The following MCC variants were observed in gnomAD, a reference collection of about 807,000 sequenced individuals.
MCC encodes the protein colorectal mutant cancer protein.
In MCC, 90 loss-of-function variants were observed where a neutral mutation model predicts 116.2. That is an observed-to-expected ratio of 0.77 (90% CI 0.65 to 0.92). The LOEUF is 0.92. MCC is among the 40% of genes least tolerant of loss of function. MCC has a pLI of 0.00. For missense variants in MCC, 1,516 were observed against 1,312.2 expected (o/e 1.16, Z -2.40); for synonymous variants, 578 against 510.5 (o/e 1.13, Z -1.78).
At chr5:113,043,293 G>T (rs1035948641) in intron 17 of MCC, among the ~76,000 whole-genome samples, 1 of 152,158 alleles carries the variant, frequency 6.6e-6, no homozygotes, top group Non-Finnish European at 1.5e-5. Context: ...AAAGGAAGAG[G>T]AATTTTCCTA....
At chr5:113,433,406 C>A (rs1333434650) in intron 1 of MCC, 9 of 557,608 alleles carry the variant, frequency 1.6e-5, no homozygotes, top group Non-Finnish European at 3.1e-5. Context: ...TGCCTTCCTG[C>A]TGCTCTTCCT....
intron 1 of MCC, among the ~76,000 whole-genome samples, chr5:113,398,330 G>T (rs1245683404): frequency 6.6e-6 from 1 of 152,010 alleles, no homozygotes; most frequent in Non-Finnish European, 1.5e-5. Flanking sequence ...CCTATTACTG[G>T]GTATATACCC....
At chr5:113,446,615 A>G (rs1419085692) in intron 1 of MCC, among the ~76,000 whole-genome samples, 2 of 152,178 alleles carry the variant, frequency 1.3e-5, no homozygotes, top group Non-Finnish European at 2.9e-5. Context: ...GTGAGGCTGT[A>G]GAGAAAAGGG....
intron 3 of MCC, among the ~76,000 whole-genome samples, chr5:113,336,162 AC>A (rs1037493949): frequency 2.6e-5 from 4 of 151,478 alleles, no homozygotes; most frequent in African/African-American, 9.8e-5. Context: ...CACCAATCCC[AC>A]CCATGAGGGT....
chr5:113,040,749 G>A (rs1323799776), intron 17 of MCC, among the ~76,000 whole-genome samples: 1 of 151,974 alleles, frequency 6.6e-6, no homozygotes, highest in Non-Finnish European at 1.5e-5. Flanking sequence ...CTTTACCTCT[G>A]TAAGTTTGTT....
chr5:113,084,123 C>T lies in MCC; in HGVS notation c.1613G>A (p.Gly538Asp). The T allele has an allele frequency of 1.2e-6, 2 of 1,614,124 alleles. No homozygotes were observed. Among genetic ancestry groups the T allele is most frequent in the Non-Finnish European group, 1.7e-6 (2 of 1,179,990 alleles). ...ESSSSDRPVLGSEISSIGVSS... is the reference protein window; with the variant it reads ...ESSSSDRPVLDSEISSIGVSS... ...CACCCCTATGCTACTGATTTCTGAG[C>T]CCAGGACTGGCCGATCAGATGATGA... The change falls in exon 10 of 19, where the codon GGC becomes GAC. Residue 538 changes from glycine to aspartate, a missense_variant. Physicochemically the swap from Gly to Asp is moderately conservative, Grantham distance 94. Transcript: ENST00000408903.
At chr5:113,234,640 G>A (rs932802008) in intron 3 of MCC, 2 of 152,276 alleles carry the variant, frequency 1.3e-5, no homozygotes, top group African/African-American at 4.8e-5. Context: ...CAGAAAAACA[G>A]AGAATATCTG....
chr5:113,354,503 C>T (rs1189979770), intron 2 of MCC, among the ~76,000 whole-genome samples: 6 of 149,178 alleles, frequency 4.0e-5, no homozygotes, highest in Admixed American at 2.0e-4. Context: ...GGCACGATCT[C>T]GGCTCACTGC....
At chr5:113,459,191 G>A (rs954692001) in intron 1 of MCC, among the ~76,000 whole-genome samples, 1 of 145,614 alleles carries the variant, frequency 6.9e-6, no homozygotes, top group Admixed American at 6.8e-5. Flanking sequence ...AGTGGGTGGG[G>A]GGGGGAGAGA....
At chr5:113,043,035 G>C (rs1751827212) in intron 17 of MCC, among the ~76,000 whole-genome samples, 1 of 152,190 alleles carries the variant, frequency 6.6e-6, no homozygotes, top group Admixed American at 6.5e-5. Flanking sequence ...AGAGCTAGAT[G>C]AATCAGCATC....
At chr5:113,136,424 G>C (rs1203521829) in intron 5 of MCC, among the ~76,000 whole-genome samples, 1 of 152,180 alleles carries the variant, frequency 6.6e-6, no homozygotes, top group Non-Finnish European at 1.5e-5. Context: ...TACATGCATT[G>C]ATATTCCTAT....
Position 113,086,839 on chromosome 5 carries a change from C to T in MCC, c.1399-1529G>A, listed in dbSNP as rs1755230502. On this transcript the variant is annotated intron_variant, in intron 8 of 18. Transcript: ENST00000408903. Reference sequence around the variant, plus strand: ...CAGGGCTTTCTAAACAGAATGTGTACTAGAATCCCCCAGAGGGCTTGCTAA... The same window carrying T: ...CAGGGCTTTCTAAACAGAATGTGTATTAGAATCCCCCAGAGGGCTTGCTAA... Among the ~76,000 whole-genome samples, 2 of 152,290 alleles carry T rather than the reference C, an allele frequency of 1.3e-5. 1 individual carries two copies. Among genetic ancestry groups the T allele is most frequent in the African/African-American group, 4.8e-5 (2 of 41,524 alleles).
chr5:113,456,317 T>A (rs1771545021), intron 1 of MCC, among the ~76,000 whole-genome samples: 1 of 152,226 alleles, frequency 6.6e-6, no homozygotes, highest in South Asian at 2.1e-4. Context: ...TTTATATGGG[T>A]CGAGTATCTT....
intron 5 of MCC, among the ~76,000 whole-genome samples, chr5:113,129,724 A>C (rs145183700): frequency 0.012 from 1,847 of 152,372 alleles, 33 homozygotes; most frequent in African/African-American, 0.034. Flanking sequence ...GCCAACAAAC[A>C]TTTGAAAGAA....
At chr5:113,293,787 C>T (rs1473416047) in intron 3 of MCC, among the ~76,000 whole-genome samples, 7 of 152,160 alleles carry the variant, frequency 4.6e-5, no homozygotes, top group South Asian at 4.1e-4. Flanking sequence ...GAAGTGCTTT[C>T]TCCCCAGACC....
chr5:113,057,748 A>G (rs1448601309), intron 14 of MCC, among the ~76,000 whole-genome samples: 1 of 152,374 alleles, frequency 6.6e-6, no homozygotes, highest in East Asian at 1.9e-4. Context: ...AGTAGAGCTC[A>G]GGAGCTCACC....
intron 13 of MCC, among the ~76,000 whole-genome samples, chr5:113,067,143 T>C (rs1016144620): frequency 8.6e-5 from 13 of 151,986 alleles, no homozygotes; most frequent in African/African-American, 3.1e-4. Flanking sequence ...TCCACCTTAC[T>C]CAAAATTGAG....
In MCC at chr5:113,250,708, A is replaced by T. The variant is rs577779899; in HGVS notation, c.627+89811T>A. 4.6e-5 allele frequency among the ~76,000 whole-genome samples: 7 copies of T among 152,240 alleles called. No homozygotes were observed. In the East Asian group the frequency reaches 1.3e-3, roughly 29 times the overall value. On this transcript the variant is annotated intron_variant, in intron 3 of 18. Transcript: ENST00000408903. ...GGGAATTCAGATCAAATATTCAGGG[A>T]CTCAAAACTGAAGACAAAGACGGCC...
chr5:113,242,534 A>G (rs1051733878), intron 3 of MCC, among the ~76,000 whole-genome samples: 1 of 150,172 alleles, frequency 6.7e-6, no homozygotes. Flanking sequence ...AGAGTTAATT[A>G]TTAGTTTTTT....
Sources: gnomAD v4.1 joint callset for allele counts (sites outside exome capture counted in the v4.1 genomes callset) on GRCh38, gnomAD v4.1.1 for gene constraint, MANE v1.5 for transcripts, NCBI Gene and HGNC (gene_info 2026-07-23, HGNC 2026-07-21) for gene names.